SLC13A3: variants seen among roughly 807,000 people sequenced by gnomAD.
SLC13A3 encodes the protein Na(+)/dicarboxylate cotransporter 3.
In SLC13A3, 40 loss-of-function variants were observed where a neutral mutation model predicts 59.0. That is an observed-to-expected ratio of 0.68 (90% CI 0.53 to 0.88). The LOEUF is 0.88. Among genes scored for constraint, SLC13A3 ranks in the 40% least tolerant of loss-of-function variants. SLC13A3 has a pLI of 0.00. For synonymous variants in SLC13A3, 317 were observed against 330.3 expected (o/e 0.96, Z 0.44); for missense variants, 699 against 783.2 (o/e 0.89, Z 1.28).
At chr20:46,564,529 C>T (rs2061963169) in intron 11 of SLC13A3, among the ~76,000 whole-genome samples, 1 of 152,150 alleles carries the variant, frequency 6.6e-6, no homozygotes, top group Non-Finnish European at 1.5e-5. Flanking sequence ...CAAAAGCTGC[C>T]CCTTACAGAC....
intron 1 of SLC13A3, among the ~76,000 whole-genome samples, chr20:46,667,646 T>A (rs1481070471): frequency 6.6e-6 from 1 of 152,212 alleles, no homozygotes; most frequent in Non-Finnish European, 1.5e-5. Context: ...CAAAGCTACA[T>A]TCAAATTCTG....
chr20:46,644,888 T>C (rs2062879091), intron 1 of SLC13A3, among the ~76,000 whole-genome samples: 1 of 152,208 alleles, frequency 6.6e-6, no homozygotes, highest in African/African-American at 2.4e-5. Flanking sequence ...AGAACCAGTC[T>C]GGTGGGGTGG....
At chr20:46,586,773 C>T (rs145593052) in intron 8 of SLC13A3, among the ~76,000 whole-genome samples, 7 of 152,326 alleles carry the variant, frequency 4.6e-5, no homozygotes, top group African/African-American at 1.4e-4. Flanking sequence ...TTGCTACCAC[C>T]CTCACTCAAG....
intron 1 of SLC13A3, among the ~76,000 whole-genome samples, chr20:46,678,640 G>A (rs1055064260): frequency 4.6e-5 from 7 of 152,204 alleles, no homozygotes; most frequent in African/African-American, 1.7e-4. Context: ...AGAGCAGGGA[G>A]AGAATTCTTA....
chr20:46,683,512 T>A (rs998801213), intron 1 of SLC13A3, among the ~76,000 whole-genome samples: 2 of 152,178 alleles, frequency 1.3e-5, no homozygotes, highest in Non-Finnish European at 1.5e-5. Context: ...CCTGTGCCAA[T>A]GGCACACCTG....
At chr20:46,581,378 A>G (rs1182800670) in intron 9 of SLC13A3, among the ~76,000 whole-genome samples, 1 of 152,232 alleles carries the variant, frequency 6.6e-6, no homozygotes. Context: ...GATCTGCCCA[A>G]GAAGAACAAG....
chr20:46,613,745 C>T lies in SLC13A3; in HGVS notation c.112-20G>A. ...GCCTTCCTGCAGGAGGAGATGCATG[C>T]TCAGAGGGTCAGCGGGGCTCGGGGC... is the stretch of plus-strand genomic sequence containing the variant. On this transcript the variant is annotated intron_variant, in intron 1 of 12. Coordinates refer to ENST00000279027, the MANE Select transcript of SLC13A3 (RefSeq NM_022829.6). 1.3e-6 allele frequency: 2 copies of T among 1,575,348 alleles called. No individual in the cohort carries two copies. The highest frequency in any genetic ancestry group is 1.8e-5 in the Admixed American group (1 of 56,514).
intron 3 of SLC13A3, among the ~76,000 whole-genome samples, chr20:46,603,531 T>C (rs1329500761): frequency 6.7e-6 from 1 of 149,902 alleles, no homozygotes; most frequent in Admixed American, 6.6e-5. Flanking sequence ...TGTGCCACCA[T>C]GCCCAGCTAA....
intron 8 of SLC13A3, chr20:46,585,123 C>T (rs1327452369): frequency 2.0e-6 from 2 of 983,224 alleles, no homozygotes; most frequent in African/African-American, 1.8e-5. Flanking sequence ...AAATTTGTGA[C>T]CTGAGTCCAA....
chr20:46,582,435 A>G (rs932760780), intron 9 of SLC13A3, among the ~76,000 whole-genome samples: 2 of 131,022 alleles, frequency 1.5e-5, no homozygotes, highest in Non-Finnish European at 3.2e-5. Context: ...GCCTGCTACA[A>G]TTTTTTTTTT....
chr20:46,613,603 G>A lies in SLC13A3; in HGVS notation c.234C>T (p.Ser78=), dbSNP rs776793631. ...GGAAGTACTGGGGGCAGACCTTGTTGGAGGGCAAGATGCCCATGAAGGGGA... is the reference window on the plus strand; with the variant it reads ...GGAAGTACTGGGGGCAGACCTTGTTAGAGGGCAAGATGCCCATGAAGGGGA... ...VLFPFMGILP[S]NKVCPQYFLD... The change falls in exon 2 of 13, where the codon TCC becomes TCT. Residue 78 remains serine (S), a synonymous_variant. Coordinates refer to ENST00000279027, the MANE Select transcript of SLC13A3 (RefSeq NM_022829.6). 6.2e-7 allele frequency: 1 copy of A among 1,613,292 alleles called. No individual in the cohort carries two copies. Among genetic ancestry groups the A allele is most frequent in the East Asian group, 2.2e-5 (1 of 44,848 alleles).
chr20:46,566,087 G>T, intron 11 of SLC13A3, 142 bp downstream of exon 11: 1 of 677,296 alleles, frequency 1.5e-6, no homozygotes. Flanking sequence ...TAAAAAAATT[G>T]TACTGTGGTT....
intron 1 of SLC13A3, among the ~76,000 whole-genome samples, chr20:46,660,781 G>A (rs530533886): frequency 6.6e-6 from 1 of 151,976 alleles, no homozygotes; most frequent in Non-Finnish European, 1.5e-5. Flanking sequence ...TTATGTTAGA[G>A]CATTTGGTAT....
At chr20:46,612,971 G>T (rs371090683) in intron 2 of SLC13A3, among the ~76,000 whole-genome samples, 1 of 152,228 alleles carries the variant, frequency 6.6e-6, no homozygotes, top group East Asian at 1.9e-4. Context: ...AGCCAGCATT[G>T]CCTGCTCAGG....
chr20:46,560,953 C>T (rs555316943), intron 12 of SLC13A3, among the ~76,000 whole-genome samples: 2 of 152,242 alleles, frequency 1.3e-5, no homozygotes, highest in East Asian at 3.9e-4. Context: ...TCTATTCCTC[C>T]CAGAGAAAGT....
intron 1 of SLC13A3, among the ~76,000 whole-genome samples, chr20:46,647,986 T>C (rs544554735): frequency 5.9e-5 from 9 of 152,278 alleles, no homozygotes; most frequent in African/African-American, 1.4e-4. Context: ...AGAATATCCA[T>C]GTGGAAGAGG....
At chr20:46,679,416 C>A (rs887234184) in intron 1 of SLC13A3, among the ~76,000 whole-genome samples, 14 of 151,940 alleles carry the variant, frequency 9.2e-5, no homozygotes, top group African/African-American at 2.9e-4. Context: ...AAATTGAGAC[C>A]ATCCTGGCTA....
At chr20:46,560,360 A>C (rs2061920507) in intron 12 of SLC13A3, among the ~76,000 whole-genome samples, 162 bp from the exon 13 acceptor site, 1 of 152,150 alleles carries the variant, frequency 6.6e-6, no homozygotes, top group Non-Finnish European at 1.5e-5. Flanking sequence ...GGGACCCTTC[A>C]ATCTTTACAC....
chr20:46,576,203 T>C (rs1313366105), intron 9 of SLC13A3, among the ~76,000 whole-genome samples: 1 of 152,058 alleles, frequency 6.6e-6, no homozygotes, highest in East Asian at 1.9e-4. Context: ...GAGTGAATCA[T>C]TGAGGCTTTG....
Sources: gnomAD v4.1 joint callset for allele counts (sites outside exome capture counted in the v4.1 genomes callset) on GRCh38, gnomAD v4.1.1 for gene constraint, MANE v1.5 for transcripts, NCBI Gene and HGNC (gene_info 2026-07-23, HGNC 2026-07-21) for gene names.